LUC7L3: variants seen among roughly 807,000 people sequenced by gnomAD.
LUC7L3 encodes luc7-like protein 3.
LUC7L3 carries 6 observed loss-of-function variants against 66.8 expected under a neutral mutation model. That is an observed-to-expected ratio of 0.09 (90% confidence interval 0.05 to 0.18). The LOEUF is 0.18. LUC7L3 is among the 10% of genes least tolerant of loss of function. The pLI is 1.00. For synonymous variants in LUC7L3, 160 were observed against 174.7 expected (o/e 0.92, Z 0.66); for missense variants, 341 against 531.1 (o/e 0.64, Z 3.52).
intron 3 of LUC7L3, among the ~76,000 whole-genome samples, chr17:50,740,565 T>C (rs1434874133): frequency 1.3e-5 from 2 of 151,620 alleles, no homozygotes; most frequent in East Asian, 3.9e-4. Context: ...TGTAGCCCAT[T>C]TGCTGTTTTT....
At chr17:50,749,588 T>C (rs138558479) in intron 9 of LUC7L3, among the ~76,000 whole-genome samples, 1 of 152,262 alleles carries the variant, frequency 6.6e-6, no homozygotes, top group African/African-American at 2.4e-5. Context: ...GTGCAGAAAC[T>C]ATGTAGAGGG....
In LUC7L3 at chr17:50,756,040, T is replaced by C. The variant is rs996751785; in HGVS notation, c.*5379T>C. 6 of 152,150 alleles carry C rather than the reference T, an allele frequency of 3.9e-5. No homozygotes were observed. The highest frequency in any genetic ancestry group is 1.4e-4 in the African/African-American group (6 of 41,432). The allele number at this position is 152,150 out of a possible 1,614,324, so 9.4% of individuals were successfully genotyped here. A position where few individuals can be genotyped will look rare whatever the true frequency, so the allele number is the denominator to read the frequency against. On this transcript the variant is annotated 3_prime_UTR_variant, in exon 10 of 10. Coordinates refer to ENST00000505658, the MANE Select transcript of LUC7L3 (RefSeq NM_016424.5). ...ATAAAAGGAAACGATTAAGACAAAA[T>C]TTAATGTTAGCCGTTTTGATGGAGG... is the stretch of plus-strand genomic sequence containing the variant.
At chr17:50,720,465 C>G (rs1968672300) in intron 1 of LUC7L3, among the ~76,000 whole-genome samples, 1 of 152,156 alleles carries the variant, frequency 6.6e-6, no homozygotes, top group South Asian at 2.1e-4. Context: ...AATATTATAA[C>G]CCCAGTTTCA....
Position 50,745,838 on chromosome 17 carries a change from A to G in LUC7L3, c.812A>G (p.Lys271Arg), listed in dbSNP as rs1415897600. ...AGAGAAAGGGAAGAAAGAGAAAGGA[A>G]AAGACGAAGGGAAGAGGAAGAAAGA... ...REREREERER[K>R]RRREEEEREK... The change falls in exon 8 of 10, where the codon AAA becomes AGA. Residue 271 changes from lysine to arginine, a missense_variant. This residue lies in a region of LUC7L3 where 210 missense variants were observed against 238.1 expected (regional missense o/e 0.88). Coordinates refer to ENST00000505658, the MANE Select transcript of LUC7L3 (RefSeq NM_016424.5). 6.3e-7 allele frequency: 1 copy of G among 1,590,652 alleles called. No individual in the cohort carries two copies. Among genetic ancestry groups the G allele is most frequent in the Non-Finnish European group, 8.6e-7 (1 of 1,163,206 alleles).
chr17:50,737,383 C>T (rs1286144798), intron 2 of LUC7L3: 2 of 460,244 alleles, frequency 4.3e-6, no homozygotes, highest in Admixed American at 2.4e-5. Context: ...CAGAGCAGAG[C>T]AACCTGTACC....
At chr17:50,727,429 A>T (rs1244651522) in intron 1 of LUC7L3, among the ~76,000 whole-genome samples, 2 of 152,192 alleles carry the variant, frequency 1.3e-5, no homozygotes, top group Non-Finnish European at 2.9e-5. Context: ...TTCAACAACC[A>T]ATTTTCCAGT....
At chr17:50,744,569 A>G in intron 6 of LUC7L3, 83 bp from the exon 7 acceptor site, 2 of 1,287,704 alleles carry the variant, frequency 1.6e-6, no homozygotes, top group Non-Finnish European at 1.1e-6. Flanking sequence ...ACACATTAGA[A>G]ATCTTTTCTA....
At position 50,753,330 on chromosome 17, in the gene LUC7L3, G is replaced by C. The variant is rs1263626126; in HGVS notation, c.*2669G>C. ...TGTGTTAAATGACTTATCCAGGGAG[G>C]GTCCTGTGGCTTCATGTTTATGGAG... On this transcript the variant is annotated 3_prime_UTR_variant, in exon 10 of 10. Transcript: ENST00000505658. 2 of 152,536 alleles carry C rather than the reference G, an allele frequency of 1.3e-5. No homozygotes were observed. Among genetic ancestry groups the C allele is most frequent in the African/African-American group, 4.8e-5 (2 of 41,418 alleles). The allele number at this position is 152,536 out of a possible 1,614,324, so 9.4% of individuals were successfully genotyped here.
chr17:50,735,904 G>A (rs760371354), intron 1 of LUC7L3, among the ~76,000 whole-genome samples: 3 of 152,180 alleles, frequency 2.0e-5, no homozygotes, highest in Non-Finnish European at 2.9e-5. Context: ...AGGCCAAGAC[G>A]GGCAAATCAC....
chr17:50,749,486 T>C (rs1970872590), intron 9 of LUC7L3: 7 of 694,148 alleles, frequency 1.0e-5, no homozygotes, highest in African/African-American at 1.9e-5. Flanking sequence ...ACATAAGATC[T>C]TCAGTTCTCT....
At chr17:50,727,055 C>T (rs1398386917) in intron 1 of LUC7L3, among the ~76,000 whole-genome samples, 2 of 152,080 alleles carry the variant, frequency 1.3e-5, no homozygotes, top group Admixed American at 1.3e-4. Context: ...TGCCACCGCA[C>T]TCCAGCCTGG....
chr17:50,744,290 A>G (rs779640033), intron 6 of LUC7L3, among the ~76,000 whole-genome samples: 6 of 152,240 alleles, frequency 3.9e-5, no homozygotes, highest in East Asian at 1.9e-4. Context: ...ATTATAGTCA[A>G]TGTGCTTAGT....
intron 8 of LUC7L3, 65 bp from the exon 9 acceptor site, chr17:50,746,477 C>A: frequency 7.0e-7 from 1 of 1,420,686 alleles, no homozygotes. Context: ...TTAATAGCAT[C>A]TACTCCAAGG....
At chr17:50,743,650 G>T in intron 5 of LUC7L3, 56 bp from the exon 6 acceptor site, 1 of 1,133,782 alleles carries the variant, frequency 8.8e-7, no homozygotes, top group Non-Finnish European at 1.3e-6. Flanking sequence ...GGGGAAAAAA[G>T]ACAATAGTTG....
chr17:50,727,014 G>T (rs541228016), intron 1 of LUC7L3, among the ~76,000 whole-genome samples: 2 of 151,996 alleles, frequency 1.3e-5, no homozygotes, highest in African/African-American at 4.8e-5. Context: ...TCTTGAACCC[G>T]GGAGGCGGAG....
chr17:50,742,000 T>A (rs1567872505), intron 5 of LUC7L3, among the ~76,000 whole-genome samples: 1 of 152,138 alleles, frequency 6.6e-6, no homozygotes, highest in Non-Finnish European at 1.5e-5. Context: ...TGCTTAAGCC[T>A]ACAAGGGCGA....
At chr17:50,737,117 C>A in intron 2 of LUC7L3, 91 bp downstream of exon 2, 1 of 876,542 alleles carries the variant, frequency 1.1e-6, no homozygotes, top group Non-Finnish European at 1.8e-6. Context: ...GATTATAATT[C>A]TGTGAAGTTT....
At chr17:50,730,216 C>T (rs1291912890) in intron 1 of LUC7L3, among the ~76,000 whole-genome samples, 1 of 151,918 alleles carries the variant, frequency 6.6e-6, no homozygotes, top group East Asian at 1.9e-4. Flanking sequence ...AAGCCATCTG[C>T]CTGCCTCAGC....
In LUC7L3 at chr17:50,750,731, TG is replaced by T; in HGVS notation, c.*71del. ...GTTTCTCACTTTGATTAGGGCTTTT[TG>T]TTACTGTTTGACAGTGCAGCGTAAG... On this transcript the variant is annotated 3_prime_UTR_variant, in exon 10 of 10. Transcript: ENST00000505658. The T allele has an allele frequency of 6.2e-7, 1 of 1,613,192 alleles. No individual in the cohort carries two copies. The highest frequency in any genetic ancestry group is 8.5e-7 in the Non-Finnish European group (1 of 1,179,740).
Sources: gnomAD v4.1 joint callset for allele counts (sites outside exome capture counted in the v4.1 genomes callset) on GRCh38, gnomAD v4.1.1 for gene constraint, gnomAD v4.1.1 regional missense constraint, MANE v1.5 for transcripts, NCBI Gene and HGNC (gene_info 2026-07-23, HGNC 2026-07-21) for gene names.